Variants in PLEKHA7 observed in about 807,000 individuals in gnomAD.
The protein encoded by PLEKHA7 is pleckstrin homology domain containing A7, also known as pleckstrin homology domain-containing family A member 7.
In PLEKHA7, 104 loss-of-function variants were observed where a neutral mutation model predicts 170.0. The ratio of observed to expected loss-of-function variants is 0.61; its 90% confidence interval spans 0.52 to 0.72. The LOEUF (loss-of-function observed/expected upper bound fraction) is 0.72. Among genes scored for constraint, PLEKHA7 ranks in the 30% least tolerant of loss-of-function variants. The pLI is 0.00. For synonymous variants in PLEKHA7, 648 were observed against 660.8 expected (o/e 0.98, Z 0.30); for missense variants, 1,615 against 1,671.7 (o/e 0.97, Z 0.59).
intron 3 of PLEKHA7, among the ~76,000 whole-genome samples, chr11:16,949,285 A>G (rs1861258889): frequency 6.6e-6 from 1 of 152,194 alleles, no homozygotes; most frequent in Admixed American, 6.5e-5. Flanking sequence ...AAGGGGTGGC[A>G]CAGGGTCCTG....
At chr11:16,784,829 G>A (rs1849289482) in intron 24 of PLEKHA7, among the ~76,000 whole-genome samples, 1 of 152,218 alleles carries the variant, frequency 6.6e-6, no homozygotes, top group Non-Finnish European at 1.5e-5. Context: ...TTTAGAGGAA[G>A]GAAGCAGATT....
At chr11:16,849,134 G>A (rs554712258) in intron 8 of PLEKHA7, among the ~76,000 whole-genome samples, 11 of 152,204 alleles carry the variant, frequency 7.2e-5, no homozygotes, top group Middle Eastern at 3.4e-3. Flanking sequence ...CCAAACACAC[G>A]ATGCCTTCTG....
At chr11:16,887,174 G>C (rs1489486753) in intron 3 of PLEKHA7, among the ~76,000 whole-genome samples, 1 of 152,012 alleles carries the variant, frequency 6.6e-6, no homozygotes, top group East Asian at 1.9e-4. Flanking sequence ...ACAAAATACA[G>C]TCAAAGAGCT....
chr11:16,803,151 C>G, intron 14 of PLEKHA7, 76 bp downstream of exon 14: 1 of 1,566,864 alleles, frequency 6.4e-7, no homozygotes, highest in African/African-American at 1.4e-5. Flanking sequence ...ACCATCCAAG[C>G]CCTGCCTGAA....
At chr11:16,820,381 G>A (rs1850112260) in intron 10 of PLEKHA7, among the ~76,000 whole-genome samples, 1 of 152,194 alleles carries the variant, frequency 6.6e-6, no homozygotes, top group South Asian at 2.1e-4. Flanking sequence ...TTCAAATAAA[G>A]CTATCTTTGC....
At chr11:16,983,056 G>A (rs1414148796) in intron 3 of PLEKHA7, among the ~76,000 whole-genome samples, 1 of 152,192 alleles carries the variant, frequency 6.6e-6, no homozygotes, top group African/African-American at 2.4e-5. Flanking sequence ...CTGAGTAACA[G>A]AGCAAGAACT....
At chr11:16,814,902 C>T (rs1418258957) in intron 12 of PLEKHA7, among the ~76,000 whole-genome samples, 1 of 152,254 alleles carries the variant, frequency 6.6e-6, no homozygotes, top group African/African-American at 2.4e-5. Flanking sequence ...GCCCTTTGAA[C>T]ATGACCATAC....
At chr11:16,834,900 C>T (rs1041009393) in intron 9 of PLEKHA7, among the ~76,000 whole-genome samples, 3 of 152,186 alleles carry the variant, frequency 2.0e-5, no homozygotes, top group South Asian at 2.1e-4. Flanking sequence ...CAGCACGTGG[C>T]GTGGGATCTC....
chr11:16,998,991 G>A (rs935023282), intron 3 of PLEKHA7, among the ~76,000 whole-genome samples: 10 of 151,824 alleles, frequency 6.6e-5, no homozygotes, highest in East Asian at 1.9e-4. Context: ...CTCTATCCTC[G>A]TATATCTGCA....
chr11:16,826,106 A>T lies in PLEKHA7; in HGVS notation c.1343+14T>A, dbSNP rs1475335526. 3 of 1,606,404 alleles carry T rather than the reference A, an allele frequency of 1.9e-6. No homozygotes were observed. Among genetic ancestry groups the T allele is most frequent in the Non-Finnish European group, 2.6e-6 (3 of 1,174,278 alleles). ...GTGCTCGTTATAAGCAGCGATCCTGAGTCTATTACTCACCTCCTGCTATCC... is the reference window on the plus strand; with the variant it reads ...GTGCTCGTTATAAGCAGCGATCCTGTGTCTATTACTCACCTCCTGCTATCC... On this transcript the variant is annotated intron_variant, in intron 10 of 26. Coordinates refer to ENST00000531066, the MANE Select transcript of PLEKHA7 (RefSeq NM_001329630.2).
In PLEKHA7 at chr11:16,817,032, G is replaced by A. The variant is rs557470705; in HGVS notation, c.1634C>T (p.Ser545Phe). ...GSPTAPICLGSPEFTDQGRSR... is the reference protein window; with the variant it reads ...GSPTAPICLGFPEFTDQGRSR... ...CCGGCCCTGGTCGGTGAACTCTGGG[G>A]AGCCAAGGCAGATGGGCGCTGTGGG... is the stretch of plus-strand genomic sequence containing the variant. Residue 545 changes from serine to phenylalanine, a missense_variant, in exon 11 of 27, where the codon TCC becomes TTC. Coordinates refer to ENST00000531066, the MANE Select transcript of PLEKHA7 (RefSeq NM_001329630.2). The surrounding 1 kb of genome is among the most constrained non-coding windows in gnomAD (Gnocchi z 4.4). The A allele has an allele frequency of 2.5e-6, 4 of 1,605,788 alleles. No homozygotes were observed. Among genetic ancestry groups the A allele is most frequent in the Admixed American group, 3.4e-5 (2 of 59,662 alleles).
chr11:16,972,505 G>C, intron 3 of PLEKHA7, among the ~76,000 whole-genome samples: 1 of 152,074 alleles, frequency 6.6e-6, no homozygotes, highest in East Asian at 1.9e-4. Flanking sequence ...TCCATCTCCA[G>C]GCTCAAGTGA....
chr11:17,013,041 TTTGGCGAGCTGATTCATTCA>T (rs1865410539), intron 3 of PLEKHA7: 2 of 152,252 alleles, frequency 1.3e-5, no homozygotes, highest in African/African-American at 2.4e-5. Context: ...CGTCCAGACC[TTTGGCGAGCTGATTCATTCA>T]GTGAACAAAC....
intron 3 of PLEKHA7, among the ~76,000 whole-genome samples, chr11:17,006,846 G>A (rs1477397376): frequency 6.6e-6 from 1 of 152,142 alleles, no homozygotes. Flanking sequence ...GCTTTCCTAA[G>A]GGCCTTCTAG....
chr11:16,884,373 C>T (rs1855919077), intron 3 of PLEKHA7, among the ~76,000 whole-genome samples: 1 of 152,234 alleles, frequency 6.6e-6, no homozygotes, highest in African/African-American at 2.4e-5. Context: ...TGGCTCATGC[C>T]TATAATCCCA....
chr11:16,802,251 C>T (rs1266576454), intron 15 of PLEKHA7, among the ~76,000 whole-genome samples: 2 of 152,222 alleles, frequency 1.3e-5, no homozygotes, highest in African/African-American at 4.8e-5. Context: ...GTTGGTGGCC[C>T]CTGGCCCATT....
At chr11:16,954,393 G>T (rs1286867848) in intron 3 of PLEKHA7, among the ~76,000 whole-genome samples, 1 of 151,984 alleles carries the variant, frequency 6.6e-6, no homozygotes, top group African/African-American at 2.4e-5. Flanking sequence ...AATTAGCCAT[G>T]TGTGGTAGTG....
rs1194196408 is a variant in PLEKHA7 at position 16,906,524 on chromosome 11, T to C, written c.222-35342A>G. Among the ~76,000 whole-genome samples, 3 of 139,234 alleles carry C rather than the reference T, an allele frequency of 2.2e-5. 1 individual carries two copies. The highest frequency in any genetic ancestry group is 9.5e-5 in the African/African-American group (3 of 31,702). The allele number at this position is 139,234 out of a possible 152,430, so 91.3% of individuals were successfully genotyped here. On this transcript the variant is annotated intron_variant, in intron 3 of 26. Coordinates refer to ENST00000531066, the MANE Select transcript of PLEKHA7 (RefSeq NM_001329630.2). ...TTTTGGTGGAGACGGGGTTTCGCTG[T>C]GTTGGCCAGGCTGGTCTCCAGCTCC...
At chr11:16,806,708 C>A (rs1849014754) in intron 13 of PLEKHA7, among the ~76,000 whole-genome samples, 1 of 152,228 alleles carries the variant, frequency 6.6e-6, no homozygotes, top group African/African-American at 2.4e-5. Context: ...CAAATACCAA[C>A]TGCCTGCCCC....
Sources: allele counts gnomAD v4.1 joint callset (sites outside exome capture counted in the v4.1 genomes callset), GRCh38; gene constraint gnomAD v4.1.1; non-coding constraint Gnocchi (gnomAD v3.1); transcripts MANE v1.5; gene names NCBI Gene and HGNC (gene_info 2026-07-23, HGNC 2026-07-21).